RELN: variants seen among roughly 807,000 people sequenced by gnomAD.
RELN encodes the protein reelin.
A neutral mutation model predicts 427.6 loss-of-function variants in RELN; 108 were observed. The observed-to-expected ratio is 0.25, with a 90% CI of 0.22 to 0.30. The LOEUF (loss-of-function observed/expected upper bound fraction) is 0.30, where lower values mean the gene tolerates loss of function less well. RELN is among the 10% of genes least tolerant of loss of function. The pLI is 1.00. For synonymous variants in RELN, 1,524 were observed against 1,513.4 expected (o/e 1.01, Z -0.16); for missense variants, 3,715 against 4,302.8 (o/e 0.86, Z 3.82).
intron 2 of RELN, among the ~76,000 whole-genome samples, chr7:103,912,759 A>G (rs1199252717): frequency 2.0e-5 from 3 of 152,134 alleles, no homozygotes; most frequent in Non-Finnish European, 4.4e-5. Flanking sequence ...TATCTTTTAT[A>G]ACCAGAATTC....
chr7:103,583,801 C>T (rs1370868691), intron 28 of RELN, among the ~76,000 whole-genome samples: 2 of 152,152 alleles, frequency 1.3e-5, no homozygotes, highest in African/African-American at 2.4e-5. Context: ...CAGCAGTCCA[C>T]CTCCCTGCCA....
intron 41 of RELN, among the ~76,000 whole-genome samples, chr7:103,549,218 T>C (rs1365174509): frequency 6.6e-6 from 1 of 152,162 alleles, no homozygotes; most frequent in Non-Finnish European, 1.5e-5. Flanking sequence ...CTCACACTTG[T>C]GGAGTAGCTG....
intron 53 of RELN, among the ~76,000 whole-genome samples, chr7:103,498,597 T>A (rs144844148): frequency 0.015 from 2,310 of 152,180 alleles, 63 homozygotes; most frequent in African/African-American, 0.053. Flanking sequence ...GTTCAAGCAA[T>A]TCTCATGCCT....
intron 7 of RELN, among the ~76,000 whole-genome samples, chr7:103,726,915 C>G (rs1207381214): frequency 6.6e-6 from 1 of 152,046 alleles, no homozygotes; most frequent in African/African-American, 2.4e-5. Context: ...ATTATGAGCA[C>G]CTACTATTTT....
chr7:103,929,281 G>C (rs768440494), intron 1 of RELN, among the ~76,000 whole-genome samples: 1 of 152,092 alleles, frequency 6.6e-6, no homozygotes, highest in Non-Finnish European at 1.5e-5. Context: ...CAGTGTCTAG[G>C]CCATCTCATT....
chr7:103,808,686 T>C (rs889350630), intron 3 of RELN, among the ~76,000 whole-genome samples: 3 of 152,008 alleles, frequency 2.0e-5, no homozygotes, highest in Non-Finnish European at 2.9e-5. Context: ...TGAAATACTA[T>C]GGCAGAACTG....
At chr7:103,848,160 T>G (rs763065240) in intron 2 of RELN, among the ~76,000 whole-genome samples, 11 of 152,178 alleles carry the variant, frequency 7.2e-5, no homozygotes, top group Non-Finnish European at 1.6e-4. Context: ...CCACGCCTCT[T>G]GTTCATCACT....
chr7:103,605,483 TGA>T (rs1831796197), intron 22 of RELN, among the ~76,000 whole-genome samples: 1 of 152,180 alleles, frequency 6.6e-6, no homozygotes, highest in African/African-American at 2.4e-5. Flanking sequence ...GTGGATATTT[TGA>T]GAGTAATGTC....
At chr7:103,750,839 T>C (rs1425929900) in intron 5 of RELN, among the ~76,000 whole-genome samples, 2 of 152,212 alleles carry the variant, frequency 1.3e-5, no homozygotes, top group East Asian at 1.9e-4. Context: ...CAGGGAGCCA[T>C]ACATGGTTTT....
chr7:103,732,766 T>A (rs140280329), intron 6 of RELN, among the ~76,000 whole-genome samples: 1 of 152,294 alleles, frequency 6.6e-6, no homozygotes, highest in Non-Finnish European at 1.5e-5. Flanking sequence ...AGAATGCCTC[T>A]GTGTCTAACA....
intron 4 of RELN, among the ~76,000 whole-genome samples, chr7:103,765,587 G>C (rs1791408852): frequency 6.6e-6 from 1 of 152,114 alleles, no homozygotes; most frequent in South Asian, 2.1e-4. Context: ...TTAATAAACT[G>C]GATGAAATAA....
chr7:103,570,994 C>T (rs1830870645), intron 31 of RELN, among the ~76,000 whole-genome samples: 4 of 152,132 alleles, frequency 2.6e-5, no homozygotes, highest in Admixed American at 6.5e-5. Flanking sequence ...TTAGGGAATG[C>T]AAAAATGGTC....
intron 1 of RELN, among the ~76,000 whole-genome samples, chr7:103,984,348 C>T (rs1797053462): frequency 6.6e-6 from 1 of 152,006 alleles, no homozygotes; most frequent in Non-Finnish European, 1.5e-5. Context: ...AACGATACAA[C>T]ATTACCATTT....
At chr7:103,923,653 T>C (rs1255434376) in intron 1 of RELN, among the ~76,000 whole-genome samples, 1 of 152,142 alleles carries the variant, frequency 6.6e-6, no homozygotes. Context: ...CGTTCCTACC[T>C]TACCTATCTA....
In RELN at chr7:103,610,547, T is replaced by C. The variant is rs113762825; in HGVS notation, c.3008+148A>G. The C allele has an allele frequency of 1.5e-5, 10 of 658,956 alleles. 1 individual carries two copies. The highest frequency in any genetic ancestry group is 1.1e-4 in the African/African-American group (6 of 55,436). 40.8% of individuals were successfully genotyped at this position (658,956 alleles called of 1,614,324 possible). On this transcript the variant is annotated intron_variant, in intron 22 of 64. Coordinates refer to ENST00000428762, the MANE Select transcript of RELN (RefSeq NM_005045.4). The stretch of plus-strand genomic sequence containing the variant: ...ACATAAATGAAAGGTTTTGGTCTTT[T>C]GATAATAAAATAAAAAGAATAAACA...
intron 2 of RELN, among the ~76,000 whole-genome samples, chr7:103,909,765 TATTTAATATATA>T (rs1795313592): frequency 1.3e-5 from 1 of 76,348 alleles, no homozygotes; most frequent in Non-Finnish European, 2.4e-5. Flanking sequence ...TAAATATATA[TATTTAATATATA>T]TAAATATATA....
intron 49 of RELN, 136 bp downstream of exon 49, chr7:103,519,187 C>T (rs1179652410): frequency 2.9e-6 from 2 of 700,726 alleles, no homozygotes; most frequent in Non-Finnish European, 5.1e-6. Flanking sequence ...AGCTCAGAAA[C>T]CCTTCTTCAT....
intron 36 of RELN, among the ~76,000 whole-genome samples, chr7:103,558,981 A>G (rs1830584292): frequency 6.6e-6 from 1 of 152,202 alleles, no homozygotes; most frequent in Non-Finnish European, 1.5e-5. Flanking sequence ...CACGTTCCTC[A>G]ATAGCTGAAA....
At chr7:103,701,413 A>G (rs926284273) in intron 8 of RELN, among the ~76,000 whole-genome samples, 1 of 152,214 alleles carries the variant, frequency 6.6e-6, no homozygotes, top group Middle Eastern at 3.4e-3. Flanking sequence ...GAATAAAAAC[A>G]CCATTATTTT....
Sources: gnomAD v4.1 joint callset for allele counts (sites outside exome capture counted in the v4.1 genomes callset) on GRCh38, gnomAD v4.1.1 for gene constraint, MANE v1.5 for transcripts, NCBI Gene and HGNC (gene_info 2026-07-23, HGNC 2026-07-21) for gene names.